The following NPNT variants were observed in gnomAD, a reference collection of about 807,000 sequenced individuals.
The protein encoded by NPNT is nephronectin, also known as preosteoblast EGF-like repeat protein with MAM domain.
A neutral mutation model predicts 68.6 loss-of-function variants in NPNT; 45 were observed. The ratio of observed to expected loss-of-function variants is 0.66; its 90% CI spans 0.52 to 0.84. NPNT has a LOEUF of 0.84. Ranked by LOEUF, NPNT falls within the 40% of genes least tolerant of loss-of-function variation. The probability of loss-of-function intolerance (pLI) is 0.00; values close to 1 mark genes in which losing one functional copy is unlikely to be tolerated. For missense variants in NPNT, 672 were observed against 714.8 expected, an observed-to-expected ratio of 0.94 and a Z score of 0.68; for synonymous variants, 233 against 253.3, an observed-to-expected ratio of 0.92 and a Z score of 0.76.
Position 105,940,314 on chromosome 4 carries a change from C to T in NPNT, c.640+105C>T, listed in dbSNP as rs1578647184. The T allele has an allele frequency of 1.9e-5, 23 of 1,231,610 alleles. No homozygotes were observed. The South Asian group carries it at 1.9e-4, about 10-fold the overall frequency. The allele number at this position is 1,231,610 out of a possible 1,614,324, so 76.3% of individuals were successfully genotyped here. A position where few individuals can be genotyped will look rare whatever the true frequency, so the allele number is the denominator to read the frequency against. On this transcript the variant is annotated intron_variant, in intron 6 of 11. Coordinates refer to ENST00000379987, the MANE Select transcript of NPNT (RefSeq NM_001033047.3). Reference sequence around the variant, plus strand: ...TGTCAGGGGCAGGGGAGAGTACTGGCGTTAAGTTAAACCAACAGACATCCA... The same window carrying T: ...TGTCAGGGGCAGGGGAGAGTACTGGTGTTAAGTTAAACCAACAGACATCCA...
At chr4:105,931,668 C>CAAAAAAAAA (rs59960189) in intron 3 of NPNT, among the ~76,000 whole-genome samples, 227 of 99,772 alleles carry the variant, frequency 2.3e-3, no homozygotes, top group Middle Eastern at 5.4e-3. Flanking sequence ...ACTAAAAATA[C>CAAAAAAAAA]AAAAAAAAAA....
intron 2 of NPNT, among the ~76,000 whole-genome samples, chr4:105,918,231 G>A (rs1727972010): frequency 2.0e-5 from 3 of 152,108 alleles, no homozygotes; most frequent in African/African-American, 4.8e-5. Context: ...CATATTAGTC[G>A]AGGCCCAGTA....
intron 2 of NPNT, among the ~76,000 whole-genome samples, chr4:105,922,333 G>C (rs1302524945): frequency 2.0e-5 from 3 of 151,642 alleles, no homozygotes; most frequent in Non-Finnish European, 2.9e-5. Flanking sequence ...GCTTATGTTA[G>C]AGTTAGAAAC....
intron 2 of NPNT, among the ~76,000 whole-genome samples, chr4:105,898,433 C>G (rs927530974): frequency 6.9e-6 from 1 of 145,588 alleles, no homozygotes; most frequent in African/African-American, 2.5e-5. Context: ...TGAGTCTAGA[C>G]CGTATTTACA....
intron 5 of NPNT, among the ~76,000 whole-genome samples, chr4:105,938,748 A>G (rs761509499): frequency 1.3e-5 from 2 of 152,202 alleles, no homozygotes; most frequent in African/African-American, 2.4e-5. Context: ...GCAATGAGTG[A>G]TGAAGCTGAA....
At position 105,942,663 on chromosome 4, in the gene NPNT, G is replaced by A. The variant is rs151141596; in HGVS notation, c.1120G>A (p.Val374Ile). 2.4e-5 allele frequency: 38 copies of A among 1,613,532 alleles called. No individual in the cohort carries two copies. In the Admixed American group the frequency reaches 4.0e-4, roughly 17 times the overall value. ...PPGGITVDNR[V>I]QTDPQKPRGD... ...AGGAGGGATTACAGTTGACAACAGG[G>A]TACAGACAGACCCTCAGAAACCCAG... The change falls in exon 8 of 12, where the codon GTA (valine) becomes ATA (isoleucine). Residue 374 changes from valine to isoleucine, a missense_variant. Coordinates refer to ENST00000379987, the MANE Select transcript of NPNT (RefSeq NM_001033047.3).
At chr4:105,931,093 A>C (rs566736538) in intron 3 of NPNT, among the ~76,000 whole-genome samples, 1 of 151,994 alleles carries the variant, frequency 6.6e-6, no homozygotes, top group African/African-American at 2.4e-5. Context: ...CTTTACTTTT[A>C]CTTTTATTTA....
At chr4:105,901,703 A>G (rs149250999) in intron 2 of NPNT, among the ~76,000 whole-genome samples, 4 of 152,326 alleles carry the variant, frequency 2.6e-5, no homozygotes, top group Non-Finnish European at 5.9e-5. Context: ...TTTTGGAAAG[A>G]TGTGAAACCT....
At chr4:105,904,469 C>T (rs954963176) in intron 2 of NPNT, among the ~76,000 whole-genome samples, 19 of 152,148 alleles carry the variant, frequency 1.2e-4, no homozygotes, top group Admixed American at 1.2e-3. Context: ...CAAGAAATCC[C>T]TCTGACAACT....
intron 3 of NPNT, among the ~76,000 whole-genome samples, chr4:105,931,115 C>T (rs1261710532): frequency 2.0e-5 from 3 of 152,052 alleles, no homozygotes; most frequent in Non-Finnish European, 4.4e-5. Context: ...GCATATTTCC[C>T]TCCTCCTTGA....
intron 1 of NPNT, among the ~76,000 whole-genome samples, chr4:105,897,380 A>G (rs1207178072): frequency 5.3e-5 from 8 of 152,130 alleles, no homozygotes. Context: ...GTTATGTCTC[A>G]AAAAGAGCTC....
intron 2 of NPNT, among the ~76,000 whole-genome samples, chr4:105,909,493 A>G (rs1727180987): frequency 6.6e-6 from 1 of 152,214 alleles, no homozygotes; most frequent in Non-Finnish European, 1.5e-5. Flanking sequence ...TAGGTTTGCT[A>G]AATGTTGTGT....
intron 3 of NPNT, among the ~76,000 whole-genome samples, chr4:105,936,317 G>C (rs1162552875): frequency 6.6e-6 from 1 of 152,128 alleles, no homozygotes; most frequent in African/African-American, 2.4e-5. Flanking sequence ...ACTAAAGTAG[G>C]AAACTGAAGT....
intron 2 of NPNT, among the ~76,000 whole-genome samples, chr4:105,898,954 A>G (rs1230328666): frequency 1.3e-5 from 2 of 152,052 alleles, no homozygotes; most frequent in Admixed American, 1.3e-4. Context: ...TGGGATATAT[A>G]TTTTATTGCT....
chr4:105,951,139 GC>G (rs1730803569), intron 8 of NPNT, among the ~76,000 whole-genome samples: 2 of 152,166 alleles, frequency 1.3e-5, no homozygotes, highest in African/African-American at 4.8e-5. Flanking sequence ...GTCAGAACTA[GC>G]CAAATGTAGG....
At position 105,940,594 on chromosome 4, in the gene NPNT, A is replaced by T. The variant is rs746076434; in HGVS notation, c.721A>T (p.Lys241Ter). The change falls in exon 7 of 12, where the codon AAA becomes TAA. Residue 241 changes from lysine to a stop codon, truncating the protein, a stop_gained. Coordinates refer to ENST00000379987, the MANE Select transcript of NPNT (RefSeq NM_001033047.3). LOFTEE classifies it high-confidence loss of function. ...TAACATACGTGGGTCCTACAAGTGC[A>T]AATGTAAAGAAGGATACCAGGGTGA... is the stretch of plus-strand genomic sequence containing the variant. ...CYNIRGSYKC[K>*]CKEGYQGDGL... 1 of 1,613,500 alleles carries T rather than the reference A, an allele frequency of 6.2e-7. No individual in the cohort carries two copies. Among genetic ancestry groups the T allele is most frequent in the Non-Finnish European group, 8.5e-7 (1 of 1,179,498 alleles).
intron 10 of NPNT, among the ~76,000 whole-genome samples, chr4:105,966,068 AAATT>A (rs1457740904): frequency 6.6e-6 from 1 of 152,238 alleles, no homozygotes; most frequent in Non-Finnish European, 1.5e-5. Flanking sequence ...TGTCCTGTAT[AAATT>A]AAGCATAAGA....
rs1263222477 is a variant in NPNT at position 105,897,935 on chromosome 4, T to C, written c.106T>C (p.Cys36Arg). Reference sequence around the variant, plus strand: ...GCAAATAGTGTCATCGATTGGCCTATGTCGTTATGGTGGGAGGATTGACTG... The same window carrying C: ...GCAAATAGTGTCATCGATTGGCCTACGTCGTTATGGTGGGAGGATTGACTG... ...PRQIVSSIGL[C>R]RYGGRIDCCW... The change falls in exon 2 of 12, where the codon TGT becomes CGT. Residue 36 changes from cysteine (C) to arginine (R), a missense_variant. Physicochemically the swap from Cys to Arg is radical, Grantham distance 180 (BLOSUM62 -3). Transcript: ENST00000379987. 4.3e-6 allele frequency: 7 copies of C among 1,613,990 alleles called. No individual in the cohort carries two copies. Among genetic ancestry groups the C allele is most frequent in the South Asian group, 2.2e-5 (2 of 91,036 alleles).
intron 8 of NPNT, among the ~76,000 whole-genome samples, chr4:105,951,268 G>T (rs1040318262): frequency 2.6e-5 from 4 of 152,268 alleles, no homozygotes; most frequent in South Asian, 4.2e-4. Context: ...TATGTATCAG[G>T]TGCTCTTATG....
Sources: gnomAD v4.1 joint callset for allele counts (sites outside exome capture counted in the v4.1 genomes callset) on GRCh38, gnomAD v4.1.1 for gene constraint, MANE v1.5 for transcripts, NCBI Gene and HGNC (gene_info 2026-07-23, HGNC 2026-07-21) for gene names.